Variants in CADPS2 observed in about 807,000 individuals in gnomAD.
The protein encoded by CADPS2 is calcium dependent secretion activator 2.
CADPS2 carries 93 observed loss-of-function variants against 172.5 expected under a neutral mutation model. The observed-to-expected ratio is 0.54, with a 90% CI of 0.46 to 0.64. CADPS2 has a LOEUF of 0.64. CADPS2 is among the 30% of genes least tolerant of loss of function. The pLI, the probability that CADPS2 is intolerant of heterozygous loss-of-function variation, is 0.00. For missense variants in CADPS2, 1,420 were observed against 1,565.9 expected, an observed-to-expected ratio of 0.91 and a Z score of 1.57; for synonymous variants, 546 against 555.2, an observed-to-expected ratio of 0.98 and a Z score of 0.23.
At chr7:122,520,544 C>G (rs1450038312) in intron 8 of CADPS2, among the ~76,000 whole-genome samples, 1 of 151,940 alleles carries the variant, frequency 6.6e-6, no homozygotes, top group African/African-American at 2.4e-5. Context: ...ATCTTCATAT[C>G]ACAATATGTT....
At position 122,862,152 on chromosome 7, in the gene CADPS2, A is replaced by G. The variant is rs140283631; in HGVS notation, c.339+23847T>C. 3.9e-3 allele frequency among the ~76,000 whole-genome samples: 590 copies of G among 152,338 alleles called. 1 individual carries two copies. Among genetic ancestry groups the G allele is most frequent in the Middle Eastern group, 0.034 (10 of 294 alleles). On this transcript the variant is annotated intron_variant, in intron 1 of 29. Coordinates refer to ENST00000449022, the MANE Select transcript of CADPS2 (RefSeq NM_017954.11). ...AAGCAAGCTATAGGAAGGCTACAGG[A>G]AGGACATATCTGCAGAGAGAGGTAA... is the stretch of plus-strand genomic sequence containing the variant.
chr7:122,877,321 T>C (rs1343061342), intron 1 of CADPS2, among the ~76,000 whole-genome samples: 2 of 152,222 alleles, frequency 1.3e-5, no homozygotes, highest in African/African-American at 2.4e-5. Flanking sequence ...TATTCACTAG[T>C]AAAGCACCAA....
In CADPS2 at chr7:122,514,756, G is replaced by T. The variant is rs577827640; in HGVS notation, c.1476-1441C>A. ...CAAATGTCCAACAGCAGTAAAATTAGTCAATACGTGCTGGCATATCCACAG... is the reference window on the plus strand; with the variant it reads ...CAAATGTCCAACAGCAGTAAAATTATTCAATACGTGCTGGCATATCCACAG... On this transcript the variant is annotated intron_variant, in intron 8 of 29. Coordinates refer to ENST00000449022, the MANE Select transcript of CADPS2 (RefSeq NM_017954.11). 1.5e-3 allele frequency among the ~76,000 whole-genome samples: 225 copies of T among 152,152 alleles called. 1 individual carries two copies. The highest frequency in any genetic ancestry group is 5.2e-3 in the African/African-American group (215 of 41,540).
intron 28 of CADPS2, among the ~76,000 whole-genome samples, chr7:122,335,496 T>C (rs1304435957): frequency 2.6e-5 from 4 of 152,156 alleles, no homozygotes; most frequent in Non-Finnish European, 4.4e-5. Flanking sequence ...ACTCCTGACC[T>C]CAGATTAATG....
At chr7:122,780,739 C>G (rs1477930267) in intron 1 of CADPS2, among the ~76,000 whole-genome samples, 1 of 152,136 alleles carries the variant, frequency 6.6e-6, no homozygotes, top group Non-Finnish European at 1.5e-5. Context: ...AACTCCTGGG[C>G]ACAAGCAGTT....
intron 14 of CADPS2, 115 bp from the exon 15 acceptor site, chr7:122,451,590 G>A: frequency 3.9e-6 from 2 of 516,762 alleles, no homozygotes; most frequent in Non-Finnish European, 6.6e-6. Flanking sequence ...CATATTAATT[G>A]TGTTTACAGT....
At chr7:122,712,019 T>C (rs2088828010) in intron 2 of CADPS2, among the ~76,000 whole-genome samples, 1 of 152,132 alleles carries the variant, frequency 6.6e-6, no homozygotes, top group Non-Finnish European at 1.5e-5. Flanking sequence ...CATGTACATT[T>C]TTAAATTTAA....
chr7:122,379,595 C>T, intron 24 of CADPS2, 153 bp from the exon 25 acceptor site: 1 of 612,516 alleles, frequency 1.6e-6, no homozygotes, highest in East Asian at 3.0e-5. Flanking sequence ...GAAAATGATC[C>T]ACCCAGTCAA....
At chr7:122,343,439 C>T (rs1373407946) in intron 28 of CADPS2, among the ~76,000 whole-genome samples, 2 of 152,190 alleles carry the variant, frequency 1.3e-5, no homozygotes, top group African/African-American at 2.4e-5. Context: ...CTTAGAGCCA[C>T]TTTAGTTCCC....
intron 17 of CADPS2, among the ~76,000 whole-genome samples, chr7:122,422,892 G>A (rs1297499996): frequency 6.6e-6 from 1 of 152,090 alleles, no homozygotes; most frequent in Non-Finnish European, 1.5e-5. Context: ...CTGGGAGGCA[G>A]AGGTTGCAGT....
At chr7:122,534,983 G>A (rs754799504) in intron 8 of CADPS2, among the ~76,000 whole-genome samples, 2 of 152,060 alleles carry the variant, frequency 1.3e-5, no homozygotes, top group African/African-American at 2.4e-5. Context: ...GCTTGCCAAT[G>A]TGCTTTGAAA....
intron 14 of CADPS2, among the ~76,000 whole-genome samples, chr7:122,471,102 G>A (rs1563427937): frequency 6.6e-6 from 1 of 152,124 alleles, no homozygotes; most frequent in African/African-American, 2.4e-5. Flanking sequence ...CTACGAGGTG[G>A]TATGTAAGAA....
intron 6 of CADPS2, among the ~76,000 whole-genome samples, chr7:122,606,108 T>C (rs541544888): frequency 6.6e-6 from 1 of 152,324 alleles, no homozygotes; most frequent in South Asian, 2.1e-4. Context: ...GCAGAAGAAT[T>C]GATTACATCA....
chr7:122,628,981 C>T (rs1389453930), intron 4 of CADPS2, among the ~76,000 whole-genome samples: 1 of 151,486 alleles, frequency 6.6e-6, no homozygotes, highest in Non-Finnish European at 1.5e-5. Flanking sequence ...TTGAGAAACT[C>T]ATGCATTGCT....
chr7:122,668,923 T>A (rs1379735498), intron 2 of CADPS2, among the ~76,000 whole-genome samples: 2 of 152,178 alleles, frequency 1.3e-5, no homozygotes, highest in Non-Finnish European at 2.9e-5. Flanking sequence ...CTGACATGCA[T>A]TTATTGTCCA....
chr7:122,732,989 A>G (rs1218202761), intron 2 of CADPS2, among the ~76,000 whole-genome samples: 5 of 149,874 alleles, frequency 3.3e-5, no homozygotes, highest in Non-Finnish European at 7.4e-5. Flanking sequence ...ATAATAAATG[A>G]GCAAATTACC....
rs183973064 is a variant in CADPS2, at chr7:122,852,819, C to T, written c.339+33180G>A. On this transcript the variant is annotated intron_variant, in intron 1 of 29. Transcript: ENST00000449022. ...GGAGGTCATGAACAGAGAAGCAATC[C>T]GACTTCTGTTATAACGGAATCCCTC... is the stretch of plus-strand genomic sequence containing the variant. Among the ~76,000 whole-genome samples, 11 of 152,086 alleles carry T rather than the reference C, an allele frequency of 7.2e-5. No individual in the cohort carries two copies. The East Asian group carries it at 1.4e-3, about 19-fold the overall frequency.
intron 2 of CADPS2, among the ~76,000 whole-genome samples, chr7:122,713,228 G>A (rs1426503955): frequency 2.7e-5 from 4 of 148,370 alleles, no homozygotes; most frequent in African/African-American, 4.9e-5. Flanking sequence ...CTTAAGTCTC[G>A]TTAGTTTTAC....
At chr7:122,803,886 GTT>G (rs1798190024) in intron 1 of CADPS2, among the ~76,000 whole-genome samples, 1 of 147,310 alleles carries the variant, frequency 6.8e-6, no homozygotes, top group African/African-American at 2.5e-5. Flanking sequence ...TAGGGGATGG[GTT>G]ACTTAATAAA....
Sources: allele counts gnomAD v4.1 joint callset (sites outside exome capture counted in the v4.1 genomes callset), GRCh38; gene constraint gnomAD v4.1.1; transcripts MANE v1.5; gene names NCBI Gene and HGNC (gene_info 2026-07-23, HGNC 2026-07-21).